The following MTCL2 variants were observed in gnomAD, a reference collection of about 807,000 sequenced individuals.
MTCL2 encodes microtubule cross-linking factor 2.
At chr20:36,860,192 C>T in the MTCL2 span, among the ~76,000 whole-genome samples, 6 of 152,278 alleles carry the variant, frequency 3.9e-5, no homozygotes, top group East Asian at 7.7e-4. Flanking sequence ...TTGAACTCAA[C>T]GAGCATTCCA....
At chr20:36,787,106 C>CT in the MTCL2 span, among the ~76,000 whole-genome samples, 10 of 152,244 alleles carry the variant, frequency 6.6e-5, no homozygotes, top group African/African-American at 2.2e-4. Flanking sequence ...GAATTAGCAC[C>CT]TTTGGGTGCT....
At chr20:36,797,466 G>A in the MTCL2 span, 2 of 1,549,028 alleles carry the variant, frequency 1.3e-6, no homozygotes, top group Non-Finnish European at 1.7e-6. Flanking sequence ...GTGCAGCCAG[G>A]AGCCAAGATA....
At chr20:36,832,695 T>C in the MTCL2 span, among the ~76,000 whole-genome samples, 1 of 152,078 alleles carries the variant, frequency 6.6e-6, no homozygotes, top group African/African-American at 2.4e-5. Context: ...ATACAAAAAT[T>C]AGCCAGGCGT....
At chr20:36,815,717 G>T in the MTCL2 span, 1 of 1,599,308 alleles carries the variant, frequency 6.3e-7, no homozygotes, top group Non-Finnish European at 8.5e-7. The surrounding 1 kb of genome is among the most constrained non-coding windows in gnomAD (Gnocchi z 5.3). Context: ...GCAGCTTGGC[G>T]GCCGCCAGCT....
At chr20:36,835,216 G>C in the MTCL2 span, among the ~76,000 whole-genome samples, 14 of 152,184 alleles carry the variant, frequency 9.2e-5, no homozygotes, top group African/African-American at 3.4e-4. Context: ...TCCGCCCCGT[G>C]ACCTTGCCCT....
the MTCL2 span, among the ~76,000 whole-genome samples, chr20:36,820,832 ACT>A: frequency 6.6e-6 from 1 of 151,524 alleles, no homozygotes; most frequent in Non-Finnish European, 1.5e-5. Context: ...AAAGAGTAAG[ACT>A]CTGTCTCAAA....
chr20:36,863,122 G>A, the MTCL2 span: 1 of 1,396,946 alleles, frequency 7.2e-7, no homozygotes. The surrounding 1 kb of genome is among the most constrained non-coding windows in gnomAD (Gnocchi z 6.2). Flanking sequence ...GCCACTGCGC[G>A]CCCCTTCTTG....
chr20:36,809,721 G>A, the MTCL2 span, among the ~76,000 whole-genome samples: 19 of 151,982 alleles, frequency 1.3e-4, no homozygotes, highest in South Asian at 1.5e-3. Context: ...GATTACAGGC[G>A]TGCTAGTGCA....
chr20:36,799,689 A>C, the MTCL2 span, among the ~76,000 whole-genome samples: 1 of 151,546 alleles, frequency 6.6e-6, no homozygotes, highest in Non-Finnish European at 1.5e-5. Context: ...TCTCAAAATA[A>C]GAAAAGAAAG....
At chr20:36,829,148 C>T in the MTCL2 span, 103 of 1,604,266 alleles carry the variant, frequency 6.4e-5, 1 homozygote, top group Non-Finnish European at 8.4e-5. Flanking sequence ...CTCCTCCAGC[C>T]GCGCCCGTTT....
chr20:36,813,387 CTT>C, the MTCL2 span, among the ~76,000 whole-genome samples: 5 of 137,118 alleles, frequency 3.6e-5, no homozygotes, highest in African/African-American at 1.4e-4. Flanking sequence ...ATCAACAGGT[CTT>C]GAGTTAAAGA....
At chr20:36,821,113 C>T in the MTCL2 span, among the ~76,000 whole-genome samples, 1 of 152,228 alleles carries the variant, frequency 6.6e-6, no homozygotes, top group South Asian at 2.1e-4. Flanking sequence ...CCCAAGGCAA[C>T]CAACGTAACC....
chr20:36,803,154 T>G, the MTCL2 span: 1 of 1,546,472 alleles, frequency 6.5e-7, no homozygotes, highest in South Asian at 1.2e-5. Context: ...AGGCCACTCC[T>G]CTTGGCCCTT....
the MTCL2 span, among the ~76,000 whole-genome samples, chr20:36,842,758 C>T: frequency 1.3e-5 from 2 of 152,054 alleles, no homozygotes; most frequent in South Asian, 4.1e-4. Context: ...GGCAGCAGAG[C>T]GAGCCTCTGT....
the MTCL2 span, chr20:36,780,066 G>A: frequency 6.6e-6 from 1 of 152,148 alleles, no homozygotes; most frequent in African/African-American, 2.4e-5. Context: ...CACTACTGGG[G>A]ATGCAAGACC....
the MTCL2 span, among the ~76,000 whole-genome samples, chr20:36,809,131 G>A: frequency 6.6e-6 from 1 of 152,140 alleles, no homozygotes; most frequent in African/African-American, 2.4e-5. Flanking sequence ...TGATGACTAG[G>A]CAACACCCTA....
the MTCL2 span, among the ~76,000 whole-genome samples, chr20:36,852,461 A>T: frequency 6.6e-6 from 1 of 152,244 alleles, no homozygotes; most frequent in Non-Finnish European, 1.5e-5. Flanking sequence ...AAGGCTCCAG[A>T]TGAGATCATC....
At chr20:36,847,872 AAG>A in the MTCL2 span, among the ~76,000 whole-genome samples, 1 of 151,090 alleles carries the variant, frequency 6.6e-6, no homozygotes, top group Non-Finnish European at 1.5e-5. Flanking sequence ...AAAAAAAAAA[AAG>A]AGTATAGCTT....
chr20:36,856,070 C>G, the MTCL2 span, among the ~76,000 whole-genome samples: 1 of 152,178 alleles, frequency 6.6e-6, no homozygotes, highest in African/African-American at 2.4e-5. Context: ...GCCAGCCCAA[C>G]GCCCCTTCCC....
Sources: allele counts gnomAD v4.1 joint callset (sites outside exome capture counted in the v4.1 genomes callset), GRCh38; gene constraint gnomAD v4.1.1; non-coding constraint Gnocchi (gnomAD v3.1); transcripts MANE v1.5; gene names NCBI Gene and HGNC (gene_info 2026-07-23, HGNC 2026-07-21).